LRBA: variants seen among roughly 807,000 people sequenced by gnomAD.
The protein encoded by LRBA is lipopolysaccharide-responsive and beige-like anchor protein.
Under a neutral mutation model 330.0 loss-of-function variants are expected in LRBA, and 176 were observed. That is an observed-to-expected ratio of 0.53 (90% CI 0.47 to 0.60). The LOEUF is 0.60. LRBA is among the 20% of genes least tolerant of loss of function. The probability of loss-of-function intolerance (pLI) is 0.00; values close to 1 mark genes in which losing one functional copy is unlikely to be tolerated. For missense variants in LRBA, 3,259 were observed against 3,444.8 expected (o/e 0.95, Z 1.35); for synonymous variants, 1,230 against 1,193.0 (o/e 1.03, Z -0.64).
At position 150,869,102 on chromosome 4, in the gene LRBA, G is replaced by T. The variant is rs553486094; in HGVS notation, c.2450-797C>A. Among the ~76,000 whole-genome samples the T allele has an allele frequency of 1.2e-4, 18 of 151,990 alleles. 1 individual carries two copies. In the South Asian group the frequency reaches 3.7e-3, roughly 32 times the overall value. On this transcript the variant is annotated intron_variant, in intron 20 of 56. Coordinates refer to ENST00000651943, the MANE Select transcript of LRBA (RefSeq NM_001364905.1). ...CGCCTAGCTAATTTTTGTATTTTTAGTAGAGACAGCGTTTCTCCGTCTTGG... is the reference window on the plus strand; with the variant it reads ...CGCCTAGCTAATTTTTGTATTTTTATTAGAGACAGCGTTTCTCCGTCTTGG...
rs1314663542 is a variant in LRBA at position 150,817,210 on chromosome 4, A to C, written c.5219T>G (p.Phe1740Cys). 8.1e-6 allele frequency: 13 copies of C among 1,612,310 alleles called. No homozygotes were observed. The highest frequency in any genetic ancestry group is 1.0e-5 in the Non-Finnish European group (12 of 1,178,750). Residue 1740 changes from phenylalanine (F) to cysteine (C), a missense_variant, in exon 31 of 57, where the codon TTT becomes TGT. Transcript: ENST00000651943. ...AGCATTGGTAGGTATGCTTGTATTA[A>C]AGGTGGAAGGTGAGACTGCTGACTT... The part of the protein sequence containing the change: ...AKKSAVSPST[F>C]NTSIPTNAVS...
chr4:150,582,748 G>T (rs1404280755), intron 40 of LRBA: 2 of 369,824 alleles, frequency 5.4e-6, no homozygotes, highest in Middle Eastern at 1.4e-3. Context: ...CATATCAAGA[G>T]AAAGCAAAAA....
chr4:150,826,050 CT>C lies in LRBA; in HGVS notation c.5171+2129del, dbSNP rs201544584. On this transcript the variant is annotated intron_variant, in intron 30 of 56. Transcript: ENST00000651943. Reference sequence around the variant, plus strand: ...TCTTTATCTTGCACTGAAAATGCAGCTTTTATGTGGGTACAGGATTGTTATA... The same window carrying C: ...TCTTTATCTTGCACTGAAAATGCAGCTTTATGTGGGTACAGGATTGTTATA... Among the ~76,000 whole-genome samples, 367 of 152,202 alleles carry C rather than the reference CT, an allele frequency of 2.4e-3. 14 individuals carry two copies. The East Asian group carries it at 0.047, about 20-fold the overall frequency.
chr4:150,395,880 C>T (rs1462691992), intron 47 of LRBA, among the ~76,000 whole-genome samples: 7 of 152,038 alleles, frequency 4.6e-5, no homozygotes, highest in African/African-American at 1.7e-4. Flanking sequence ...AATAAACCAA[C>T]AATCTTTCAG....
rs538307618 is a variant in LRBA, at chr4:150,531,936, A to G, written c.6331-40901T>C. The stretch of plus-strand genomic sequence containing the variant: ...TCTACCATGCGTATCATTTAAATAT[A>G]AATGAAAACTTCACACACATTTGAT... On this transcript the variant is annotated intron_variant, in intron 40 of 56. Transcript: ENST00000651943. 1.1e-4 allele frequency among the ~76,000 whole-genome samples: 16 copies of G among 152,354 alleles called. No individual in the cohort carries two copies. In the South Asian group the frequency reaches 3.1e-3, roughly 30 times the overall value.
intron 41 of LRBA, among the ~76,000 whole-genome samples, chr4:150,489,589 T>TATTATATATAAGAATGTATAA (rs70941410): frequency 0.057 from 3,472 of 60,754 alleles, 206 homozygotes; most frequent in Middle Eastern, 0.12. Context: ...ATATAATATA[T>TATTATATATAAGAATGTATAA]TATATAAGAA....
chr4:150,272,093 C>A (rs972729836), intron 56 of LRBA, among the ~76,000 whole-genome samples: 4 of 152,092 alleles, frequency 2.6e-5, no homozygotes, highest in African/African-American at 7.2e-5. Flanking sequence ...AGAGCTCTGG[C>A]GGAGGCCCCT....
At chr4:150,636,886 C>A (rs1777976242) in intron 37 of LRBA, among the ~76,000 whole-genome samples, 1 of 152,096 alleles carries the variant, frequency 6.6e-6, no homozygotes, top group African/African-American at 2.4e-5. Context: ...TGAATTCAAG[C>A]AATCCTCCAC....
In LRBA at chr4:150,559,679, ATATAT is replaced by A. The variant is rs1299800906; in HGVS notation, c.6330+28364_6330+28368del. The stretch of plus-strand genomic sequence containing the variant: ...ATAATTATAATATATATATTATATA[ATATAT>A]TATATTATATATTATATATTATATA... On this transcript the variant is annotated intron_variant, in intron 40 of 56. Transcript: ENST00000651943. 5.7e-4 allele frequency among the ~76,000 whole-genome samples: 48 copies of A among 83,634 alleles called. 1 individual carries two copies. Among genetic ancestry groups the A allele is most frequent in the Middle Eastern group, 5.3e-3 (1 of 188 alleles). The allele number at this position is 83,634 out of a possible 152,430, so 54.9% of individuals were successfully genotyped here.
intron 35 of LRBA, among the ~76,000 whole-genome samples, chr4:150,745,171 T>C (rs567660267): frequency 1.2e-4 from 19 of 152,322 alleles, no homozygotes; most frequent in East Asian, 7.7e-4. Context: ...AACACCTTTA[T>C]TGTAGACTTG....
At chr4:150,275,494 C>T (rs1357454964) in intron 56 of LRBA, among the ~76,000 whole-genome samples, 3 of 152,044 alleles carry the variant, frequency 2.0e-5, no homozygotes, top group Non-Finnish European at 4.4e-5. Context: ...TCAAATTATC[C>T]CTGTTTGCAG....
At chr4:150,559,348 G>A (rs919582810) in intron 40 of LRBA, among the ~76,000 whole-genome samples, 3 of 151,080 alleles carry the variant, frequency 2.0e-5, no homozygotes, top group Non-Finnish European at 2.9e-5. Flanking sequence ...GGATCATGAG[G>A]TCAAGAGATT....
intron 47 of LRBA, among the ~76,000 whole-genome samples, chr4:150,384,949 T>TC (rs1253005922): frequency 1.3e-5 from 2 of 152,066 alleles, no homozygotes; most frequent in Non-Finnish European, 2.9e-5. Flanking sequence ...CTGTTCTTGA[T>TC]CCCCCAATTC....
chr4:150,850,175 G>A (rs891942438), intron 24 of LRBA, among the ~76,000 whole-genome samples: 2 of 150,968 alleles, frequency 1.3e-5, no homozygotes, highest in Admixed American at 6.6e-5. Context: ...CTCACTGCAA[G>A]CGCCACCTCC....
chr4:150,586,914 A>G (rs1292697033), intron 40 of LRBA, among the ~76,000 whole-genome samples: 1 of 152,148 alleles, frequency 6.6e-6, no homozygotes, highest in Non-Finnish European at 1.5e-5. Flanking sequence ...TTCCTTTCCT[A>G]AAGAAACTAA....
intron 47 of LRBA, among the ~76,000 whole-genome samples, chr4:150,350,959 T>A (rs1022078736): frequency 1.2e-4 from 19 of 152,238 alleles, no homozygotes; most frequent in African/African-American, 4.1e-4. Flanking sequence ...ATTGAGTTCT[T>A]ATGCTAACAA....
chr4:150,654,863 G>A (rs1166050632), intron 37 of LRBA, among the ~76,000 whole-genome samples: 1 of 152,052 alleles, frequency 6.6e-6, no homozygotes, highest in Non-Finnish European at 1.5e-5. Context: ...TCCCTACAAA[G>A]GACATTAACT....
intron 2 of LRBA, among the ~76,000 whole-genome samples, chr4:150,958,911 T>C (rs1466599772): frequency 6.7e-6 from 1 of 149,284 alleles, no homozygotes; most frequent in Admixed American, 6.6e-5. Context: ...CTAGGAAGTT[T>C]CAAACTTTCC....
At chr4:150,451,245 A>C (rs1753307500) in intron 44 of LRBA, among the ~76,000 whole-genome samples, 1 of 152,226 alleles carries the variant, frequency 6.6e-6, no homozygotes. Flanking sequence ...ACTTAACAAC[A>C]GAATATGCAC....
Sources: gnomAD v4.1 joint callset for allele counts (sites outside exome capture counted in the v4.1 genomes callset) on GRCh38, gnomAD v4.1.1 for gene constraint, MANE v1.5 for transcripts, NCBI Gene and HGNC (gene_info 2026-07-23, HGNC 2026-07-21) for gene names.